Variants in NAGA observed in about 807,000 individuals in gnomAD.
NAGA encodes alpha-N-acetylgalactosaminidase, also known as Acetylgalactosaminidase, alpha-N- (alpha-galactosidase B).
In NAGA, 42 loss-of-function variants were observed where a neutral mutation model predicts 45.6. That is an observed-to-expected ratio of 0.92 (90% CI 0.72 to 1.19). The LOEUF (loss-of-function observed/expected upper bound fraction) is 1.19, where lower values mean the gene tolerates loss of function less well. NAGA is among the 50% of genes most tolerant of loss of function. The pLI is 0.00. For missense variants in NAGA, 493 were observed against 544.8 expected (o/e 0.90, Z 0.95); for synonymous variants, 176 against 203.1 (o/e 0.87, Z 1.13).
At chr22:42,064,476 T>A (rs1423847268) in intron 6 of NAGA, among the ~76,000 whole-genome samples, 15 of 126,096 alleles carry the variant, frequency 1.2e-4, no homozygotes, top group South Asian at 5.3e-4. Flanking sequence ...CCATCTCTAC[T>A]AAAAAAAAAA....
intron 6 of NAGA, 127 bp from the exon 7 acceptor site, chr22:42,063,151 G>C (rs1449953627): frequency 2.1e-6 from 2 of 970,324 alleles, no homozygotes; most frequent in South Asian, 1.4e-5. Context: ...ATGTGGAGGA[G>C]GCCTGGTTCA....
In NAGA at chr22:42,065,901, TGGATGTCGAGGGGAA is replaced by T. The variant is rs772321471; in HGVS notation, c.598-17_598-3del. The T allele has an allele frequency of 6.2e-7, 1 of 1,613,940 alleles. No individual in the cohort carries two copies. Among genetic ancestry groups the T allele is most frequent in the South Asian group, 1.1e-5 (1 of 91,022 alleles). ...GTCCGCCAGCAGACTGTAGTTCACC[TGGATGTCGAGGGGAA>T]GGCAGAGTCCAGCACCAGAATCACA... On this transcript the variant is annotated splice_polypyrimidine_tract_variant and splice_region_variant and intron_variant, in intron 5 of 8. Transcript: ENST00000396398.
chr22:42,068,408 G>A, intron 2 of NAGA, 31 bp downstream of exon 2: 1 of 1,614,144 alleles, frequency 6.2e-7, no homozygotes. Flanking sequence ...CCCTGGGCAA[G>A]GCTCATCAGG....
In NAGA at chr22:42,061,053, G is replaced by C. The variant is rs763141651; in HGVS notation, c.972C>G (p.Ile324Met). The C allele has an allele frequency of 1.2e-6, 2 of 1,614,136 alleles. No individual in the cohort carries two copies. Among genetic ancestry groups the C allele is most frequent in the East Asian group, 4.5e-5 (2 of 44,880 alleles). Residue 324 changes from isoleucine to methionine, a missense_variant, in exon 8 of 9, where the codon ATC becomes ATG. Coordinates refer to ENST00000396398, the MANE Select transcript of NAGA (RefSeq NM_000262.3). ...GRRIHKEKSL[I>M]EVYMRPLSNK... ...TGGACAGAGGCCGCATGTACACTTC[G>C]ATGAGAGATTTTTCCTGGGCACAGA...
rs1267907814 is a variant in NAGA at position 42,066,967 on chromosome 22, C to CA, written c.502+145dup. ...ATGCTTCCAGGGTGGGCTATGCTGC[C>CA]ACTCATATTTAGGGAGCCTGGGAGC... On this transcript the variant is annotated intron_variant, in intron 4 of 8. Transcript: ENST00000396398. The CA allele has an allele frequency of 4.2e-6, 6 of 1,413,566 alleles. No individual in the cohort carries two copies. The Admixed American group carries it at 1.0e-4, about 24-fold the overall frequency. The allele number at this position is 1,413,566 out of a possible 1,614,324, so 87.6% of individuals were successfully genotyped here.
intron 7 of NAGA, among the ~76,000 whole-genome samples, chr22:42,061,559 A>G (rs529448136): frequency 6.6e-6 from 1 of 152,336 alleles, no homozygotes; most frequent in East Asian, 1.9e-4. Flanking sequence ...CCCCTCTGGC[A>G]GGGAATTGTT....
rs1366202632 is a variant in NAGA, at chr22:42,058,595, G to A, written c.*1684C>T. On this transcript the variant is annotated 3_prime_UTR_variant, in exon 9 of 9. Transcript: ENST00000396398. ...GAAAGAATGAAGGGTGAAGAGATAGGATCAATCAGGCACCCCCAGGACAAA... is the reference window on the plus strand; with the variant it reads ...GAAAGAATGAAGGGTGAAGAGATAGAATCAATCAGGCACCCCCAGGACAAA... 1 of 152,120 alleles carries A rather than the reference G, an allele frequency of 6.6e-6. No individual in the cohort carries two copies. The highest frequency in any genetic ancestry group is 1.5e-5 in the Non-Finnish European group (1 of 68,020). The allele number at this position is 152,120 out of a possible 1,614,324, so 9.4% of individuals were successfully genotyped here. A position where few individuals can be genotyped will look rare whatever the true frequency, so the allele number is the denominator to read the frequency against.
chr22:42,060,407 C>T lies in NAGA; in HGVS notation c.1108G>A (p.Asp370Asn). ...CTGATGATGTCACCTGAGTAGACGT[C>T]CTGGGCCTGCAGTGGGGAGGGACAT... The part of the protein sequence containing the change: ...FTGSVIYEAQ[D>N]VYSGDIISGL... The change falls in exon 9 of 9, where the codon GAC (aspartate) becomes AAC (asparagine). Residue 370 changes from aspartate (D) to asparagine (N), a missense_variant. Asp to Asn is a conservative substitution (Grantham distance 23). Transcript: ENST00000396398. 4 of 1,613,064 alleles carry T rather than the reference C, an allele frequency of 2.5e-6. No individual in the cohort carries two copies. The highest frequency in any genetic ancestry group is 2.5e-6 in the Non-Finnish European group (3 of 1,180,002).
intron 3 of NAGA, 127 bp from the exon 4 acceptor site, chr22:42,067,417 C>G: frequency 2.5e-6 from 3 of 1,210,068 alleles, no homozygotes; most frequent in Non-Finnish European, 3.6e-6. Flanking sequence ...TCCCAGCATG[C>G]TGGCCCGGCC....
chr22:42,066,125 G>A (rs1409084991), intron 5 of NAGA, among the ~76,000 whole-genome samples: 1 of 152,174 alleles, frequency 6.6e-6, no homozygotes, highest in African/African-American at 2.4e-5. Context: ...AGCCTACCCT[G>A]CCTTCTCATG....
In NAGA at chr22:42,066,810, G is replaced by GAT; in HGVS notation, c.503-7_503-6insAT. 1 of 1,600,620 alleles carries GAT rather than the reference G, an allele frequency of 6.2e-7. No individual in the cohort carries two copies. The highest frequency in any genetic ancestry group is 1.1e-5 in the South Asian group (1 of 89,048). On this transcript the variant is annotated splice_polypyrimidine_tract_variant and splice_region_variant and intron_variant, in intron 4 of 8. Coordinates refer to ENST00000396398, the MANE Select transcript of NAGA (RefSeq NM_000262.3). The stretch of plus-strand genomic sequence containing the variant: ...AGCAGCCATCTTGGGGTACCCTAGA[G>GAT]AAAGCCCAACCTGTTTCAGTCCTGA...
intron 6 of NAGA, among the ~76,000 whole-genome samples, chr22:42,063,739 C>G (rs984696393): frequency 6.6e-6 from 1 of 152,202 alleles, no homozygotes; most frequent in Non-Finnish European, 1.5e-5. Context: ...ACGAGTCTGC[C>G]GACACTCCCA....
chr22:42,070,098 G>A (rs1010893697), intron 1 of NAGA, among the ~76,000 whole-genome samples, 184 bp downstream of exon 1: 1 of 152,262 alleles, frequency 6.6e-6, no homozygotes, highest in African/African-American at 2.4e-5. Context: ...AGTGAGAAAG[G>A]AAGGGCCCCT....
Position 42,065,986 on chromosome 22 carries a change from G to A in NAGA, c.598-87C>T, listed in dbSNP as rs561788551. On this transcript the variant is annotated intron_variant, in intron 5 of 8. Coordinates refer to ENST00000396398, the MANE Select transcript of NAGA (RefSeq NM_000262.3). The stretch of plus-strand genomic sequence containing the variant: ...ACACAGGAGTTGAGGAGGCTCAGCA[G>A]GAGAGACAGAGAGTGGGGAAGAGGG... 2.6e-6 allele frequency: 4 copies of A among 1,511,474 alleles called. No individual in the cohort carries two copies. The Admixed American group carries it at 7.5e-5, about 29-fold the overall frequency. The allele number at this position is 1,511,474 out of a possible 1,614,324, so 93.6% of individuals were successfully genotyped here.
Position 42,070,364 on chromosome 22 carries a change from G to A in NAGA, c.-67C>T, listed in dbSNP as rs1258023777. The A allele has an allele frequency of 3.1e-6, 5 of 1,593,316 alleles. No individual in the cohort carries two copies. The highest frequency in any genetic ancestry group is 1.7e-4 in the Middle Eastern group (1 of 6,024). ...TGCGTGTATCAGCTGTATGTGTTGGGCTCTGGAAGCTAAGAAACGTCTGAA... is the reference window on the plus strand; with the variant it reads ...TGCGTGTATCAGCTGTATGTGTTGGACTCTGGAAGCTAAGAAACGTCTGAA... On this transcript the variant is annotated 5_prime_UTR_variant, in exon 1 of 9. Transcript: ENST00000396398.
At chr22:42,062,767 T>G (rs1926481894) in intron 7 of NAGA, 60 bp downstream of exon 7, 1 of 1,585,012 alleles carries the variant, frequency 6.3e-7, no homozygotes, top group African/African-American at 1.3e-5. Flanking sequence ...GCTGGCAGCC[T>G]TTCTCTCAGG....
intron 8 of NAGA, 59 bp from the exon 9 acceptor site, chr22:42,060,472 C>T: frequency 6.2e-7 from 1 of 1,607,226 alleles, no homozygotes; most frequent in Non-Finnish European, 8.5e-7. Flanking sequence ...AGAGACCCCC[C>T]CCGCTAGAGG....
At chr22:42,062,524 A>G (rs1221336271) in intron 7 of NAGA, among the ~76,000 whole-genome samples, 2 of 152,210 alleles carry the variant, frequency 1.3e-5, no homozygotes, top group Non-Finnish European at 2.9e-5. Flanking sequence ...TCTGCAGGCC[A>G]TCACGGGTGT....
In NAGA at chr22:42,067,690, G is replaced by A; in HGVS notation, c.324+75C>T. ...AGACTGTGAGATCTCAATCATGTAAGTGAGCCCTAAGCGAGGTAGGGTGAA... is the reference window on the plus strand; with the variant it reads ...AGACTGTGAGATCTCAATCATGTAAATGAGCCCTAAGCGAGGTAGGGTGAA... On this transcript the variant is annotated intron_variant, in intron 3 of 8. Transcript: ENST00000396398. 4 of 1,304,156 alleles carry A rather than the reference G, an allele frequency of 3.1e-6. No individual in the cohort carries two copies. The South Asian group carries it at 3.6e-5, about 12-fold the overall frequency. 80.8% of individuals were successfully genotyped at this position (1,304,156 alleles called of 1,614,324 possible). A position where few individuals can be genotyped will look rare whatever the true frequency, so the allele number is the denominator to read the frequency against.
Sources: allele counts gnomAD v4.1 joint callset (sites outside exome capture counted in the v4.1 genomes callset), GRCh38; gene constraint gnomAD v4.1.1; transcripts MANE v1.5; gene names NCBI Gene and HGNC (gene_info 2026-07-23, HGNC 2026-07-21).